The following DSCAML1 variants were observed in gnomAD, a reference collection of about 807,000 sequenced individuals.
DSCAML1 encodes the protein DS cell adhesion molecule like 1.
DSCAML1 carries 38 observed loss-of-function variants against 200.5 expected under a neutral mutation model. That is an observed-to-expected ratio of 0.19 (90% CI 0.15 to 0.25). DSCAML1 has a LOEUF of 0.25. Among genes scored for constraint, DSCAML1 ranks in the 10% least tolerant of loss-of-function variants. The pLI is 1.00. For missense variants in DSCAML1, 2,223 were observed against 2,858.8 expected (o/e 0.78, Z 5.07); for synonymous variants, 1,215 against 1,165.0 (o/e 1.04, Z -0.87).
In DSCAML1 at chr11:117,518,395, G is replaced by A; in HGVS notation, c.1510+71C>T. The A allele has an allele frequency of 6.3e-7, 1 of 1,591,640 alleles. No individual in the cohort carries two copies. Among genetic ancestry groups the A allele is most frequent in the Non-Finnish European group, 8.6e-7 (1 of 1,162,902 alleles). On this transcript the variant is annotated intron_variant, in intron 7 of 32. Transcript: ENST00000651296. This position sits in a 1 kb window ranked among gnomAD's most constrained non-coding sequence, Gnocchi z 6.3. The stretch of plus-strand genomic sequence containing the variant: ...TAATAATAAGTACTAATCAGCACAA[G>A]AATAATGGTAACCACAGAGATGGCA...
intron 3 of DSCAML1, among the ~76,000 whole-genome samples, chr11:117,690,460 C>T (rs1468905877): frequency 6.6e-6 from 1 of 152,258 alleles, no homozygotes; most frequent in Non-Finnish European, 1.5e-5. Context: ...CTTTCAACAT[C>T]AGTCGCATTG....
At chr11:117,730,339 T>C (rs1246893653) in intron 3 of DSCAML1, among the ~76,000 whole-genome samples, 1 of 152,126 alleles carries the variant, frequency 6.6e-6, no homozygotes, top group Non-Finnish European at 1.5e-5. Flanking sequence ...CTTCTCCAAG[T>C]TGGAAAAGGC....
intron 11 of DSCAML1, among the ~76,000 whole-genome samples, chr11:117,497,074 C>T (rs1212569081): frequency 6.6e-6 from 1 of 152,164 alleles, no homozygotes; most frequent in Non-Finnish European, 1.5e-5. Flanking sequence ...AATGCTGGGG[C>T]CTGGAACTGG....
chr11:117,746,658 G>A (rs997639796), intron 3 of DSCAML1, among the ~76,000 whole-genome samples: 15 of 152,180 alleles, frequency 9.9e-5, no homozygotes, highest in African/African-American at 2.2e-4. Context: ...AGCTTCCAGT[G>A]TGCTACTGGC....
chr11:117,497,385 GGC>G (rs1355595760), intron 11 of DSCAML1, among the ~76,000 whole-genome samples: 1 of 152,200 alleles, frequency 6.6e-6, no homozygotes, highest in Non-Finnish European at 1.5e-5. Context: ...CAGACCTCCT[GGC>G]GAGGGCCCAA....
At chr11:117,654,728 G>C (rs575628211) in intron 3 of DSCAML1, among the ~76,000 whole-genome samples, 76 of 152,316 alleles carry the variant, frequency 5.0e-4, no homozygotes, top group Non-Finnish European at 9.1e-4. Context: ...GATCAATCCA[G>C]AACACAGCTA....
chr11:117,505,330 G>T lies in DSCAML1; in HGVS notation c.2062+124C>A, dbSNP rs540202582. On this transcript the variant is annotated intron_variant, in intron 9 of 32. Transcript: ENST00000651296. The surrounding 1 kb of genome is among the most constrained non-coding windows in gnomAD (Gnocchi z 6.7). ...AAATAAGAGGTTTAGGCTCCAACAG[G>T]CCCTTCAAGATGCTGGAGCCCACCT... 3 of 1,316,064 alleles carry T rather than the reference G, an allele frequency of 2.3e-6. No individual in the cohort carries two copies. Among genetic ancestry groups the T allele is most frequent in the South Asian group, 2.8e-5 (2 of 70,594 alleles). 81.5% of individuals were successfully genotyped at this position (1,316,064 alleles called of 1,614,324 possible). A position where few individuals can be genotyped will look rare whatever the true frequency, so the allele number is the denominator to read the frequency against.
intron 14 of DSCAML1, among the ~76,000 whole-genome samples, chr11:117,474,122 C>T (rs575313029): frequency 3.9e-5 from 6 of 152,320 alleles, no homozygotes; most frequent in South Asian, 2.1e-4. Flanking sequence ...CCAGGTGCAG[C>T]GTTGGGCAAT....
rs1158149466 is a variant in DSCAML1 at position 117,463,361 on chromosome 11, A to AT, written c.3265+1580dup. Among the ~76,000 whole-genome samples the AT allele has an allele frequency of 6.8e-6, 1 of 146,812 alleles. No individual in the cohort carries two copies. Among genetic ancestry groups the AT allele is most frequent in the Non-Finnish European group, 1.5e-5 (1 of 67,068 alleles). The stretch of plus-strand genomic sequence containing the variant: ...CCTGGGAACTTATTAGAAATAATAC[A>AT]TCCTTTTTTTTTTTTTTTTAGAGAT... On this transcript the variant is annotated intron_variant, in intron 17 of 32. Coordinates refer to ENST00000651296, the MANE Select transcript of DSCAML1 (RefSeq NM_020693.4). The surrounding 1 kb of genome is among the most constrained non-coding windows in gnomAD (Gnocchi z 4.0).
chr11:117,511,817 G>C (rs1336976226), intron 8 of DSCAML1, among the ~76,000 whole-genome samples: 3 of 152,252 alleles, frequency 2.0e-5, no homozygotes, highest in Admixed American at 6.5e-5. Context: ...GTAACTGCTG[G>C]CATGCATGTT....
At chr11:117,783,754 A>G (rs541171200) in intron 1 of DSCAML1, among the ~76,000 whole-genome samples, 1 of 152,174 alleles carries the variant, frequency 6.6e-6, no homozygotes, top group Non-Finnish European at 1.5e-5. Context: ...TCTACTGCAG[A>G]AACCCCATGG....
At chr11:117,443,664 C>T (rs1474083481) in intron 21 of DSCAML1, among the ~76,000 whole-genome samples, 1 of 152,222 alleles carries the variant, frequency 6.6e-6, no homozygotes, top group East Asian at 1.9e-4. Flanking sequence ...TCCACCCGCC[C>T]CAGGCAAGAG....
chr11:117,446,232 C>T (rs909737908), intron 20 of DSCAML1, among the ~76,000 whole-genome samples: 3 of 152,230 alleles, frequency 2.0e-5, no homozygotes, highest in Non-Finnish European at 2.9e-5. Context: ...GGCGTGGTGG[C>T]GCATGCCTAT....
At chr11:117,495,143 G>T (rs2049266694) in intron 11 of DSCAML1, among the ~76,000 whole-genome samples, 1 of 152,140 alleles carries the variant, frequency 6.6e-6, no homozygotes, top group East Asian at 1.9e-4. Flanking sequence ...CAGGGTAGGG[G>T]GGCTTCCTAG....
chr11:117,606,739 C>T (rs1400671056), intron 3 of DSCAML1, among the ~76,000 whole-genome samples: 1 of 152,216 alleles, frequency 6.6e-6, no homozygotes, highest in African/African-American at 2.4e-5. Context: ...ATCCCAATTA[C>T]CTCTGTTGCA....
chr11:117,712,923 T>C (rs1421805755), intron 3 of DSCAML1, among the ~76,000 whole-genome samples: 2 of 151,978 alleles, frequency 1.3e-5, no homozygotes, highest in African/African-American at 4.8e-5. Context: ...CAGGAAGCCA[T>C]TTTTAGGGAA....
chr11:117,654,746 C>G lies in DSCAML1; in HGVS notation c.511+122045G>C, dbSNP rs544155349. Among the ~76,000 whole-genome samples the G allele has an allele frequency of 2.0e-5, 3 of 152,304 alleles. No homozygotes were observed. In the South Asian group the frequency reaches 6.2e-4, roughly 32 times the overall value. On this transcript the variant is annotated intron_variant, in intron 3 of 32. Transcript: ENST00000651296. ...CAATCCAGAACACAGCTAGGACGGC[C>G]TTGTTCTCACCCAGGCACATGCACA...
intron 20 of DSCAML1, among the ~76,000 whole-genome samples, chr11:117,449,224 G>C (rs558587168): frequency 7.9e-5 from 12 of 152,238 alleles, no homozygotes; most frequent in Non-Finnish European, 1.6e-4. Flanking sequence ...GAGCTGGAAG[G>C]GGGCATGGGG....
intron 11 of DSCAML1, 90 bp from the exon 12 acceptor site, chr11:117,482,252 G>T: frequency 1.4e-6 from 2 of 1,446,830 alleles, no homozygotes; most frequent in Non-Finnish European, 1.9e-6. Context: ...CCCCGCCCCA[G>T]CCCTCCTCCC....
Sources: gnomAD v4.1 joint callset for allele counts (sites outside exome capture counted in the v4.1 genomes callset) on GRCh38, gnomAD v4.1.1 for gene constraint, Gnocchi (gnomAD v3.1) non-coding constraint, MANE v1.5 for transcripts, NCBI Gene and HGNC (gene_info 2026-07-23, HGNC 2026-07-21) for gene names.